Variants in ATXN1 observed in about 807,000 individuals in gnomAD.
The protein encoded by ATXN1 is ataxin 1.
ATXN1 carries 8 observed loss-of-function variants against 56.4 expected under a neutral mutation model. The ratio of observed to expected loss-of-function variants is 0.14; its 90% CI spans 0.08 to 0.26. ATXN1 has a LOEUF of 0.26. ATXN1 is among the 10% of genes least tolerant of loss of function. ATXN1 has a pLI of 1.00. For synonymous variants in ATXN1, 514 were observed against 494.6 expected, an observed-to-expected ratio of 1.04 and a Z score of -0.52; for missense variants, 987 against 1,106.5, an observed-to-expected ratio of 0.89 and a Z score of 1.53.
At chr6:16,647,348 A>C (rs561564761) in intron 3 of ATXN1, among the ~76,000 whole-genome samples, 1 of 152,276 alleles carries the variant, frequency 6.6e-6, no homozygotes, top group African/African-American at 2.4e-5. Flanking sequence ...AGACCCAAAG[A>C]GATTAAGTCA....
chr6:16,354,904 C>T (rs765553402), intron 6 of ATXN1, among the ~76,000 whole-genome samples: 1 of 152,236 alleles, frequency 6.6e-6, no homozygotes, highest in African/African-American at 2.4e-5. Context: ...ATGGTCAGAG[C>T]ACAGAAAATA....
At chr6:16,535,934 G>A (rs947352449) in intron 4 of ATXN1, among the ~76,000 whole-genome samples, 4 of 152,108 alleles carry the variant, frequency 2.6e-5, no homozygotes, top group Non-Finnish European at 4.4e-5. Flanking sequence ...TTCTGGCCAG[G>A]CATGGTTGGC....
chr6:16,563,480 C>T (rs1458675360), intron 4 of ATXN1, among the ~76,000 whole-genome samples: 1 of 151,920 alleles, frequency 6.6e-6, no homozygotes, highest in African/African-American at 2.4e-5. Flanking sequence ...GAATACGGAG[C>T]CTGAAGAAAG....
chr6:16,752,416 CTA>C (rs1365530324), intron 2 of ATXN1, among the ~76,000 whole-genome samples: 1 of 152,122 alleles, frequency 6.6e-6, no homozygotes, highest in Non-Finnish European at 1.5e-5. Context: ...GCTCCAAATT[CTA>C]TTTTTTTAAG....
chr6:16,553,172 G>A (rs943586031), intron 4 of ATXN1, among the ~76,000 whole-genome samples: 1 of 152,194 alleles, frequency 6.6e-6, no homozygotes, highest in Admixed American at 6.5e-5. Context: ...TGTGGTTTGG[G>A]TCTTATAAGA....
chr6:16,624,682 T>TA (rs1310896342), intron 3 of ATXN1, among the ~76,000 whole-genome samples: 1 of 152,136 alleles, frequency 6.6e-6, no homozygotes, highest in East Asian at 1.9e-4. Flanking sequence ...TAACAGCACA[T>TA]ACTGTGGGTG....
chr6:16,404,688 GCGCACTCGCGCGCGCGCACACA>G (rs964378215), intron 6 of ATXN1, among the ~76,000 whole-genome samples: 2 of 131,892 alleles, frequency 1.5e-5, no homozygotes, highest in Non-Finnish European at 3.1e-5. Flanking sequence ...GCACATGCAC[GCGCACTCGCGCGCGCGCACACA>G]CGCACACACA....
intron 4 of ATXN1, among the ~76,000 whole-genome samples, chr6:16,561,274 T>C (rs1375429747): frequency 6.6e-6 from 1 of 152,146 alleles, no homozygotes; most frequent in Non-Finnish European, 1.5e-5. Context: ...CATTTAATAT[T>C]TCCCTAAAAC....
At chr6:16,454,088 G>A (rs1276914709) in intron 6 of ATXN1, among the ~76,000 whole-genome samples, 1 of 134,976 alleles carries the variant, frequency 7.4e-6, no homozygotes, top group Non-Finnish European at 1.5e-5. Flanking sequence ...TGAGATGGCT[G>A]GACTCCAGCC....
intron 3 of ATXN1, among the ~76,000 whole-genome samples, chr6:16,594,608 G>A (rs564729495): frequency 3.3e-5 from 5 of 151,644 alleles, no homozygotes; most frequent in African/African-American, 4.8e-5. Context: ...TCAGCCTCCC[G>A]AGTATCTGGG....
At chr6:16,540,061 A>G (rs1318421565) in intron 4 of ATXN1, among the ~76,000 whole-genome samples, 1 of 152,206 alleles carries the variant, frequency 6.6e-6, no homozygotes, top group Non-Finnish European at 1.5e-5. Flanking sequence ...CCGCTCGAAC[A>G]CGGGATGCAT....
chr6:16,366,127 T>C (rs1761913946), intron 6 of ATXN1, among the ~76,000 whole-genome samples: 1 of 152,198 alleles, frequency 6.6e-6, no homozygotes. Context: ...TTTTCTTACC[T>C]ATGAGGCTTT....
intron 2 of ATXN1, among the ~76,000 whole-genome samples, chr6:16,658,659 T>C (rs924829915): frequency 6.6e-6 from 1 of 152,242 alleles, no homozygotes; most frequent in African/African-American, 2.4e-5. Flanking sequence ...TCACAGGCTG[T>C]TGTTAAAGCA....
intron 3 of ATXN1, among the ~76,000 whole-genome samples, chr6:16,618,180 G>A (rs1182352382): frequency 1.3e-5 from 2 of 152,024 alleles, no homozygotes; most frequent in African/African-American, 2.4e-5. Context: ...ACCAAACACC[G>A]CATGTTCTCA....
intron 4 of ATXN1, among the ~76,000 whole-genome samples, chr6:16,581,816 C>G (rs1041139367): frequency 6.6e-6 from 1 of 152,060 alleles, no homozygotes; most frequent in Admixed American, 6.6e-5. Flanking sequence ...TGGTGCACCT[C>G]GATTCTTCCT....
intron 6 of ATXN1, among the ~76,000 whole-genome samples, chr6:16,361,432 C>T (rs758936148): frequency 1.2e-4 from 19 of 152,296 alleles, no homozygotes; most frequent in Admixed American, 1.2e-3. Context: ...TGCACATACA[C>T]GCCCACCTTT....
intron 6 of ATXN1, among the ~76,000 whole-genome samples, chr6:16,480,475 G>A (rs994206887): frequency 2.6e-5 from 4 of 151,840 alleles, no homozygotes; most frequent in Non-Finnish European, 4.4e-5. Context: ...CTTACCCATC[G>A]TCCCTTTCGG....
intron 6 of ATXN1, among the ~76,000 whole-genome samples, chr6:16,390,677 A>G (rs931390628): frequency 8.5e-6 from 1 of 117,966 alleles, no homozygotes; most frequent in African/African-American, 4.2e-5. Flanking sequence ...TCAAATAAAC[A>G]CATCACACAC....
At chr6:16,642,024 T>C (rs749450157) in intron 3 of ATXN1, among the ~76,000 whole-genome samples, 7 of 151,066 alleles carry the variant, frequency 4.6e-5, no homozygotes, top group Non-Finnish European at 8.8e-5. Context: ...AAAATGTGAC[T>C]GAATTGATTG....
Sources: allele counts gnomAD v4.1 joint callset (sites outside exome capture counted in the v4.1 genomes callset), GRCh38; gene constraint gnomAD v4.1.1; transcripts MANE v1.5; gene names NCBI Gene and HGNC (gene_info 2026-07-23, HGNC 2026-07-21).